Variants in C2orf42 observed in about 807,000 individuals in gnomAD.
C2orf42 encodes the protein uncharacterized protein C2orf42.
C2orf42 carries 44 observed loss-of-function variants against 58.9 expected under a neutral mutation model. The ratio of observed to expected loss-of-function variants is 0.75; its 90% CI spans 0.59 to 0.96. The LOEUF is 0.96. Ranked by LOEUF, C2orf42 falls within the 40% of genes least tolerant of loss-of-function variation. The pLI is 0.00. For missense variants in C2orf42, 630 were observed against 699.2 expected (o/e 0.90, Z 1.12); for synonymous variants, 239 against 265.4 (o/e 0.90, Z 0.97).
intron 8 of C2orf42, 63 bp downstream of exon 8, chr2:70,165,029 C>T (rs1673306711): frequency 5.0e-6 from 4 of 806,288 alleles, no homozygotes; most frequent in Non-Finnish European, 8.2e-6. Context: ...AAATATAGTC[C>T]CTGTACTTGC....
At position 70,151,528 on chromosome 2, in the gene C2orf42, G is replaced by A. The variant is rs1000856948; in HGVS notation, c.1517-964C>T. Among the ~76,000 whole-genome samples the A allele has an allele frequency of 2.0e-5, 3 of 151,792 alleles. No individual in the cohort carries two copies. The East Asian group carries it at 5.9e-4, about 30-fold the overall frequency. ...ATGCTCCTGTAATCCCAGTTACTCG[G>A]GAGGCTAAGGCAGAAGAATCGCCTG... On this transcript the variant is annotated intron_variant, in intron 9 of 9. Transcript: ENST00000264434.
Position 70,165,526 on chromosome 2 carries a change from A to T in C2orf42, c.1252+2T>A. The stretch of plus-strand genomic sequence containing the variant: ...TCACTATACCAAAGGGAAATCCTGT[A>T]CCTGTGGTGGAGTTGGGGAGCCGTT... On this transcript the variant is annotated splice_donor_variant, in intron 7 of 9. Transcript: ENST00000264434. LOFTEE classifies it high-confidence loss of function. The T allele has an allele frequency of 6.7e-7, 1 of 1,500,620 alleles. No individual in the cohort carries two copies. The highest frequency in any genetic ancestry group is 9.3e-7 in the Non-Finnish European group (1 of 1,076,546). The allele number at this position is 1,500,620 out of a possible 1,614,324, so 93.0% of individuals were successfully genotyped here.
chr2:70,173,344 G>A (rs1673962193), intron 5 of C2orf42, among the ~76,000 whole-genome samples: 1 of 141,694 alleles, frequency 7.1e-6, no homozygotes, highest in African/African-American at 2.8e-5. Context: ...CATGATCTTG[G>A]CTCACTGCAA....
At chr2:70,168,776 G>C (rs112362634) in intron 6 of C2orf42, among the ~76,000 whole-genome samples, 249 of 140,392 alleles carry the variant, frequency 1.8e-3, no homozygotes, top group Non-Finnish European at 3.1e-3. Context: ...GCAATGGTGC[G>C]ATCTTGGCTC....
intron 5 of C2orf42, among the ~76,000 whole-genome samples, chr2:70,172,009 G>C: frequency 6.6e-6 from 1 of 151,488 alleles, no homozygotes; most frequent in East Asian, 2.0e-4. Flanking sequence ...GATCACCTGA[G>C]GTCAGGAATT....
chr2:70,151,506 C>G (rs1672307856), intron 9 of C2orf42, among the ~76,000 whole-genome samples: 1 of 151,832 alleles, frequency 6.6e-6, no homozygotes. Context: ...TGGTAGCATG[C>G]TCCTGTAATC....
rs558300008 is a variant in C2orf42, at chr2:70,154,979, G to A, written c.1517-4415C>T. ...AAAGTAAAGGAGGCCGGGCATGGTG[G>A]CTCACGCCTGTAATCCAGCACTTTG... On this transcript the variant is annotated intron_variant, in intron 9 of 9. Transcript: ENST00000264434. 3.3e-5 allele frequency among the ~76,000 whole-genome samples: 5 copies of A among 152,136 alleles called. No homozygotes were observed. In the South Asian group the frequency reaches 1.0e-3, roughly 32 times the overall value.
intron 9 of C2orf42, among the ~76,000 whole-genome samples, chr2:70,155,646 A>G (rs1206305713): frequency 1.3e-5 from 2 of 151,426 alleles, no homozygotes; most frequent in Admixed American, 6.6e-5. Context: ...TAAAAATACA[A>G]AAAATTAGCC....
intron 8 of C2orf42, among the ~76,000 whole-genome samples, chr2:70,164,251 G>A (rs957615439): frequency 1.3e-5 from 2 of 151,744 alleles, no homozygotes; most frequent in African/African-American, 4.8e-5. Context: ...AGAGTGAGCC[G>A]TGACTGCACC....
chr2:70,160,886 T>G, intron 8 of C2orf42, 99 bp from the exon 9 acceptor site: 1 of 747,818 alleles, frequency 1.3e-6, no homozygotes, highest in Non-Finnish European at 2.1e-6. Flanking sequence ...CCTTCTTTCT[T>G]GTTAAGTATA....
At chr2:70,157,535 G>A (rs929443701) in intron 9 of C2orf42, among the ~76,000 whole-genome samples, 3 of 152,178 alleles carry the variant, frequency 2.0e-5, no homozygotes, top group Non-Finnish European at 1.5e-5. Flanking sequence ...GGTGGCTCAC[G>A]CCTGTAATCC....
chr2:70,168,957 C>T (rs1302976466), intron 6 of C2orf42, among the ~76,000 whole-genome samples: 10 of 152,102 alleles, frequency 6.6e-5, no homozygotes, highest in Admixed American at 3.9e-4. Context: ...TCAAGTGATC[C>T]GCCCACCTCG....
chr2:70,189,012 A>G (rs1252002596), intron 1 of C2orf42, among the ~76,000 whole-genome samples: 1 of 152,188 alleles, frequency 6.6e-6, no homozygotes, highest in African/African-American at 2.4e-5. Flanking sequence ...AATATAAGAA[A>G]CAACCTGATG....
chr2:70,174,778 C>T (rs1674075910), intron 5 of C2orf42, among the ~76,000 whole-genome samples: 1 of 151,838 alleles, frequency 6.6e-6, no homozygotes, highest in African/African-American at 2.4e-5. Flanking sequence ...TCAAGTGATT[C>T]TCCTGCCTCA....
chr2:70,153,092 C>T (rs1240484903), intron 9 of C2orf42, among the ~76,000 whole-genome samples: 1 of 151,358 alleles, frequency 6.6e-6, no homozygotes, highest in Non-Finnish European at 1.5e-5. Flanking sequence ...ACAGTCTGCA[C>T]TAGTAAAGCA....
At chr2:70,162,889 C>T (rs756235899) in intron 8 of C2orf42, among the ~76,000 whole-genome samples, 8 of 152,038 alleles carry the variant, frequency 5.3e-5, no homozygotes, top group African/African-American at 1.2e-4. Context: ...TTTTTGGAGA[C>T]GAAGTCTCGA....
At position 70,150,149 on chromosome 2, in the gene C2orf42, A is replaced by C; in HGVS notation, c.*207T>G. On this transcript the variant is annotated 3_prime_UTR_variant, in exon 10 of 10. Transcript: ENST00000264434. ...AGCCAGAAATACTGCCCAATGCATA[A>C]TGAAGACTGTACACAGCAGCATCAA... The C allele has an allele frequency of 3.4e-6, 2 of 589,630 alleles. No homozygotes were observed. The highest frequency in any genetic ancestry group is 4.1e-5 in the South Asian group (2 of 48,752). The allele number at this position is 589,630 out of a possible 1,614,324, so 36.5% of individuals were successfully genotyped here.
intron 1 of C2orf42, chr2:70,190,448 C>A (rs1333994838): frequency 1.3e-5 from 2 of 152,258 alleles, no homozygotes; most frequent in Non-Finnish European, 2.9e-5. Context: ...ACTGCCCACA[C>A]GATCCTGTGA....
chr2:70,150,636 G>T, intron 9 of C2orf42, 72 bp from the exon 10 acceptor site: 1 of 1,102,648 alleles, frequency 9.1e-7, no homozygotes, highest in Non-Finnish European at 1.4e-6. Flanking sequence ...CAAAAAAAGT[G>T]TCCGGAATTG....
Sources: gnomAD v4.1 joint callset for allele counts (sites outside exome capture counted in the v4.1 genomes callset) on GRCh38, gnomAD v4.1.1 for gene constraint, MANE v1.5 for transcripts, NCBI Gene and HGNC (gene_info 2026-07-23, HGNC 2026-07-21) for gene names.